RAD51B: variants seen among roughly 807,000 people sequenced by gnomAD.
RAD51B encodes the protein DNA repair protein RAD51 homolog 2.
Under a neutral mutation model 42.2 loss-of-function variants are expected in RAD51B, and 38 were observed. That is an observed-to-expected ratio of 0.90 (90% CI 0.70 to 1.18). The LOEUF (loss-of-function observed/expected upper bound fraction) is 1.18. Among genes scored for constraint, RAD51B ranks in the 50% most tolerant of loss-of-function variants. The pLI is 0.00. For missense variants in RAD51B, 373 were observed against 400.7 expected (o/e 0.93, Z 0.59); for synonymous variants, 154 against 145.2 (o/e 1.06, Z -0.43).
At chr14:67,905,511 C>G (rs1373288642) in intron 7 of RAD51B, among the ~76,000 whole-genome samples, 1 of 152,046 alleles carries the variant, frequency 6.6e-6, no homozygotes, top group African/African-American at 2.4e-5. Context: ...GCAGTATAGC[C>G]ATTTTAACAA....
chr14:68,185,153 G>T (rs750149786), intron 7 of RAD51B, among the ~76,000 whole-genome samples: 10 of 152,048 alleles, frequency 6.6e-5, no homozygotes, highest in Non-Finnish European at 1.3e-4. Flanking sequence ...GTAAAATCAT[G>T]AAAAATAAAA....
At chr14:68,063,179 G>A (rs759711464) in intron 7 of RAD51B, among the ~76,000 whole-genome samples, 6 of 151,704 alleles carry the variant, frequency 4.0e-5, no homozygotes, top group Non-Finnish European at 7.4e-5. Context: ...TTTTGAAAAT[G>A]CAACTTTCCA....
chr14:67,893,487 C>G (rs1450681980), intron 7 of RAD51B, among the ~76,000 whole-genome samples: 2 of 72,262 alleles, frequency 2.8e-5, no homozygotes, highest in Non-Finnish European at 5.6e-5. Flanking sequence ...CACACACACA[C>G]ACACACACAC....
intron 7 of RAD51B, among the ~76,000 whole-genome samples, chr14:67,931,387 C>T (rs2044727391): frequency 6.6e-6 from 1 of 151,670 alleles, no homozygotes; most frequent in Non-Finnish European, 1.5e-5. Flanking sequence ...TGGTAAACTG[C>T]TCCTTTATTT....
intron 7 of RAD51B, among the ~76,000 whole-genome samples, chr14:68,144,518 T>G (rs920673651): frequency 2.0e-5 from 3 of 152,246 alleles, no homozygotes; most frequent in Non-Finnish European, 4.4e-5. Flanking sequence ...TCTCACACAG[T>G]CATTGTCTTT....
intron 4 of RAD51B, among the ~76,000 whole-genome samples, chr14:67,855,410 T>G (rs905904453): frequency 1.4e-5 from 2 of 146,044 alleles, no homozygotes; most frequent in African/African-American, 5.1e-5. Flanking sequence ...TTTTTTTTTT[T>G]GTATTTTTAG....
intron 10 of RAD51B, among the ~76,000 whole-genome samples, chr14:68,648,022 C>T (rs970518479): frequency 8.3e-4 from 20 of 24,072 alleles, no homozygotes; most frequent in Non-Finnish European, 1.1e-3. Context: ...TATATATATA[C>T]GTATATATAT....
intron 7 of RAD51B, among the ~76,000 whole-genome samples, chr14:68,249,702 G>A (rs183394754): frequency 2.0e-4 from 31 of 152,314 alleles, no homozygotes; most frequent in Admixed American, 1.7e-3. Context: ...TCCAGGTAGT[G>A]TCCTAATTTT....
intron 7 of RAD51B, among the ~76,000 whole-genome samples, chr14:67,991,916 A>G (rs146100104): frequency 0.01 from 1,576 of 152,280 alleles, 12 homozygotes; most frequent in Non-Finnish European, 0.016. Context: ...ATATAATGCT[A>G]TGTATTACAG....
chr14:68,417,203 G>A (rs149642342), intron 9 of RAD51B, among the ~76,000 whole-genome samples: 45 of 152,220 alleles, frequency 3.0e-4, no homozygotes, highest in Middle Eastern at 3.4e-3. Context: ...GTTCCAGGTC[G>A]CTGTACTTGT....
intron 10 of RAD51B, chr14:68,471,907 G>A (rs1024583947): frequency 6.5e-6 from 1 of 153,654 alleles, no homozygotes; most frequent in Admixed American, 6.5e-5. Flanking sequence ...TTTCCTGAGG[G>A]TTTGGACTCT....
chr14:68,334,561 A>G (rs976056711), intron 8 of RAD51B, among the ~76,000 whole-genome samples: 4 of 152,132 alleles, frequency 2.6e-5, no homozygotes, highest in Admixed American at 6.5e-5. Flanking sequence ...GAAAAAATCC[A>G]TATGTAAGTG....
At chr14:68,426,987 G>A (rs1389121366) in intron 9 of RAD51B, among the ~76,000 whole-genome samples, 1 of 152,208 alleles carries the variant, frequency 6.6e-6, no homozygotes, top group Non-Finnish European at 1.5e-5. Context: ...CCCAGTCATA[G>A]CTCAAGCAGG....
At chr14:67,829,555 T>A (rs941516878) in intron 3 of RAD51B, among the ~76,000 whole-genome samples, 25 of 145,674 alleles carry the variant, frequency 1.7e-4, no homozygotes, top group Admixed American at 1.4e-3. Context: ...TATTTTATTT[T>A]CTTTGTAGCA....
intron 8 of RAD51B, among the ~76,000 whole-genome samples, chr14:68,405,301 A>C (rs564434317): frequency 6.6e-6 from 1 of 152,268 alleles, no homozygotes; most frequent in African/African-American, 2.4e-5. Flanking sequence ...TAAGTTAGCC[A>C]ATCATTGTGG....
intron 7 of RAD51B, among the ~76,000 whole-genome samples, chr14:68,129,155 A>G (rs1052459301): frequency 4.6e-5 from 7 of 152,216 alleles, no homozygotes; most frequent in Non-Finnish European, 7.3e-5. Flanking sequence ...GTTTAAGGTT[A>G]CACAGCAAGT....
chr14:68,123,375 A>C (rs1180374546), intron 7 of RAD51B, among the ~76,000 whole-genome samples: 1 of 151,994 alleles, frequency 6.6e-6, no homozygotes, highest in Non-Finnish European at 1.5e-5. Flanking sequence ...GATTTTTAGT[A>C]CAGTCAGTAT....
chr14:68,368,533 GCAAA>G (rs2083188160), intron 8 of RAD51B, among the ~76,000 whole-genome samples: 1 of 152,192 alleles, frequency 6.6e-6, no homozygotes, highest in Non-Finnish European at 1.5e-5. Context: ...GCTAGAGAGG[GCAAA>G]TTGATTTCAT....
At chr14:68,392,419 A>C (rs2083784851) in intron 8 of RAD51B, among the ~76,000 whole-genome samples, 1 of 152,114 alleles carries the variant, frequency 6.6e-6, no homozygotes, top group African/African-American at 2.4e-5. Flanking sequence ...TGACCCTTCT[A>C]GTCTTCTGTC....
Sources: allele counts gnomAD v4.1 joint callset (sites outside exome capture counted in the v4.1 genomes callset), GRCh38; gene constraint gnomAD v4.1.1; transcripts MANE v1.5; gene names NCBI Gene and HGNC (gene_info 2026-07-23, HGNC 2026-07-21).